The following CELF2 variants were observed in gnomAD, a reference collection of about 807,000 sequenced individuals.
The protein encoded by CELF2 is CUG triplet repeat RNA-binding protein 2.
In CELF2, 8 loss-of-function variants were observed where a neutral mutation model predicts 62.6. That is an observed-to-expected ratio of 0.13 (90% CI 0.07 to 0.23). The LOEUF (loss-of-function observed/expected upper bound fraction) is 0.23. CELF2 is among the 10% of genes least tolerant of loss of function. The pLI is 1.00. For synonymous variants in CELF2, 258 were observed against 250.0 expected (o/e 1.03, Z -0.30); for missense variants, 333 against 671.0 (o/e 0.50, Z 5.56).
chr10:11,163,856 G>A (rs986640168), intron 1 of CELF2, among the ~76,000 whole-genome samples: 1 of 152,182 alleles, frequency 6.6e-6, no homozygotes, highest in African/African-American at 2.4e-5. Context: ...TTTTAACCAT[G>A]AGTATCTTGT....
intron 1 of CELF2, among the ~76,000 whole-genome samples, chr10:11,158,017 T>TA (rs1326287432): frequency 6.6e-5 from 10 of 152,220 alleles, no homozygotes; most frequent in African/African-American, 1.4e-4. Flanking sequence ...GACATTGTGT[T>TA]AAAAATCATT....
chr10:11,314,054 T>C lies in CELF2; in HGVS notation c.977-85T>C. ...AGCACAGCTCCTCAGCTCCGTCCAC[T>C]GAGATGATGACAGAAGGATTTCCAG... is the stretch of plus-strand genomic sequence containing the variant. On this transcript the variant is annotated intron_variant, in intron 9 of 12. Coordinates refer to ENST00000633077, the MANE Select transcript of CELF2 (RefSeq NM_001326342.2). This position sits in a 1 kb window ranked among gnomAD's most constrained non-coding sequence, Gnocchi z 5.3. The C allele has an allele frequency of 7.3e-7, 1 of 1,366,216 alleles. No individual in the cohort carries two copies. Among genetic ancestry groups the C allele is most frequent in the South Asian group, 1.3e-5 (1 of 76,108 alleles). 84.6% of individuals were successfully genotyped at this position (1,366,216 alleles called of 1,614,324 possible). A position where few individuals can be genotyped will look rare whatever the true frequency, so the allele number is the denominator to read the frequency against.
intron 2 of CELF2, among the ~76,000 whole-genome samples, chr10:10,974,750 A>C (rs1478599113): frequency 5.9e-5 from 9 of 152,188 alleles, no homozygotes; most frequent in Non-Finnish European, 1.2e-4. Flanking sequence ...ATGGTATCGA[A>C]ATTAAGTATA....
chr10:10,742,296 C>G, the CELF2 span, among the ~76,000 whole-genome samples: 1 of 152,106 alleles, frequency 6.6e-6, no homozygotes, highest in Non-Finnish European at 1.5e-5. Flanking sequence ...ACTGTATAGT[C>G]AAATTTATCC....
chr10:10,579,987 T>C, the CELF2 span, among the ~76,000 whole-genome samples: 6 of 152,216 alleles, frequency 3.9e-5, no homozygotes, highest in East Asian at 1.2e-3. Flanking sequence ...GTGTGAGATC[T>C]GGACTGATGT....
the CELF2 span, among the ~76,000 whole-genome samples, chr10:10,635,480 C>G: frequency 1.3e-5 from 2 of 152,226 alleles, no homozygotes; most frequent in Admixed American, 1.3e-4. Flanking sequence ...TTGAATTTGT[C>G]TTTCATGTTT....
the CELF2 span, among the ~76,000 whole-genome samples, chr10:10,696,487 C>T: frequency 6.6e-6 from 1 of 151,810 alleles, no homozygotes; most frequent in African/African-American, 2.4e-5. Flanking sequence ...AGAGGTGGAG[C>T]CTACAGAGGC....
At chr10:10,507,080 G>A in the CELF2 span, among the ~76,000 whole-genome samples, 8 of 152,046 alleles carry the variant, frequency 5.3e-5, no homozygotes, top group African/African-American at 1.2e-4. Context: ...AGGAAAGGCC[G>A]GAAACCAGTT....
At chr10:11,050,706 C>G (rs989173255) in intron 1 of CELF2, among the ~76,000 whole-genome samples, 5 of 152,230 alleles carry the variant, frequency 3.3e-5, no homozygotes, top group Non-Finnish European at 5.9e-5. Context: ...GTGCAGCCTC[C>G]TGTCTTCTCT....
intron 2 of CELF2, among the ~76,000 whole-genome samples, chr10:10,949,826 CAAA>C (rs35952853): frequency 4.1e-4 from 34 of 82,226 alleles, no homozygotes; most frequent in Middle Eastern, 6.0e-3. Context: ...ACACACACAC[CAAA>C]AAAAAAAAAA....
intron 2 of CELF2, among the ~76,000 whole-genome samples, chr10:11,215,263 G>A (rs983886856): frequency 6.6e-6 from 1 of 152,218 alleles, no homozygotes; most frequent in Non-Finnish European, 1.5e-5. Context: ...TGAGACCACT[G>A]TATGTTGGTC....
chr10:10,717,035 T>C, the CELF2 span, among the ~76,000 whole-genome samples: 1 of 152,212 alleles, frequency 6.6e-6, no homozygotes, highest in Non-Finnish European at 1.5e-5. Flanking sequence ...GGGATCATAA[T>C]GTATTCTTTC....
the CELF2 span, among the ~76,000 whole-genome samples, chr10:10,462,930 C>T: frequency 6.6e-6 from 1 of 152,082 alleles, no homozygotes; most frequent in Non-Finnish European, 1.5e-5. Context: ...TCTTGACTTT[C>T]TCCAAGTTAC....
In CELF2 at chr10:11,157,050, CGT is replaced by C. The variant is rs1434236188; in HGVS notation, c.75-8432_75-8431del. 1.4e-4 allele frequency among the ~76,000 whole-genome samples: 22 copies of C among 152,114 alleles called. No homozygotes were observed. The highest frequency in any genetic ancestry group is 5.3e-4 in the African/African-American group (22 of 41,480). ...TGACCTCTCCACAGGATTCCCACAG[CGT>C]GTGAGAATGAAGGGTGGAAATGGAA... On this transcript the variant is annotated intron_variant, in intron 1 of 12. Transcript: ENST00000633077. This position sits in a 1 kb window ranked among gnomAD's most constrained non-coding sequence, Gnocchi z 4.9.
the CELF2 span, among the ~76,000 whole-genome samples, chr10:10,704,848 C>G: frequency 2.0e-5 from 3 of 151,978 alleles, no homozygotes; most frequent in African/African-American, 4.8e-5. Flanking sequence ...CTCACCCACC[C>G]CATCCCCAGA....
the CELF2 span, among the ~76,000 whole-genome samples, chr10:10,590,672 T>C: frequency 6.6e-6 from 1 of 152,174 alleles, no homozygotes; most frequent in East Asian, 1.9e-4. Flanking sequence ...CTGACCAAGC[T>C]CTGTCTCAGG....
rs115895198 is a variant in CELF2 at position 11,280,713 on chromosome 10, G to C, written c.841+5593G>C. 0.02 allele frequency among the ~76,000 whole-genome samples: 3,113 copies of C among 152,308 alleles called. 104 individuals are homozygous for C. Among genetic ancestry groups the C allele is most frequent in the African/African-American group, 0.07 (2,929 of 41,556 alleles). On this transcript the variant is annotated intron_variant, in intron 8 of 12. Transcript: ENST00000633077. This position sits in a 1 kb window ranked among gnomAD's most constrained non-coding sequence, Gnocchi z 7.6. ...GGCAGGATGGACAGAGGACACATGGGCCACGGCCTCTGCCTGGCTGAGTGG... is the reference window on the plus strand; with the variant it reads ...GGCAGGATGGACAGAGGACACATGGCCCACGGCCTCTGCCTGGCTGAGTGG...
In CELF2 at chr10:10,932,676, A is replaced by ATGTGTG. The variant is rs72121252; in HGVS notation, c.89+12691_89+12696dup. On this transcript the variant is annotated intron_variant, in intron 2 of 13. Transcript: ENST00000636488. ...CATGATAAAGTAAATATGTATGTGT[A>ATGTGTG]TGTGTGTGTGTGTGTGTGTATATAT... 5.6e-3 allele frequency among the ~76,000 whole-genome samples: 840 copies of ATGTGTG among 150,782 alleles called. 9 individuals are homozygous for ATGTGTG. The highest frequency in any genetic ancestry group is 0.016 in the African/African-American group (655 of 41,174).
intron 1 of CELF2, among the ~76,000 whole-genome samples, chr10:11,095,448 C>A (rs528087871): frequency 6.6e-5 from 10 of 152,114 alleles, no homozygotes; most frequent in African/African-American, 2.4e-4. Flanking sequence ...CCCCGGCATT[C>A]GGCATGTTTT....
Sources: gnomAD v4.1 joint callset for allele counts (sites outside exome capture counted in the v4.1 genomes callset) on GRCh38, gnomAD v4.1.1 for gene constraint, Gnocchi (gnomAD v3.1) non-coding constraint, MANE v1.5 for transcripts, NCBI Gene and HGNC (gene_info 2026-07-23, HGNC 2026-07-21) for gene names.